The following NDUFA7 variants were observed in gnomAD, a reference collection of about 807,000 sequenced individuals.
The protein encoded by NDUFA7 is NADH dehydrogenase [ubiquinone] 1 alpha subcomplex subunit 7.
NDUFA7 carries 18 observed loss-of-function variants against 14.2 expected under a neutral mutation model. The ratio of observed to expected loss-of-function variants is 1.27; its 90% CI spans 0.88 to 1.88. The LOEUF is 1.88. Among genes scored for constraint, NDUFA7 ranks in the 40% most tolerant of loss-of-function variants. The pLI is 0.00. For synonymous variants in NDUFA7, 75 were observed against 62.1 expected (o/e 1.21, Z -0.98); for missense variants, 172 against 147.3 (o/e 1.17, Z -0.87).
chr19:8,309,517 C>T (rs547264630), downstream of NDUFA7, among the ~76,000 whole-genome samples: 3 of 152,182 alleles, frequency 2.0e-5, no homozygotes, highest in South Asian at 4.1e-4. Context: ...GTTCAGATGC[C>T]GTCAGCGGCA....
At chr19:8,313,648 T>G (rs190204747) in intron 3 of NDUFA7, among the ~76,000 whole-genome samples, 1 of 152,334 alleles carries the variant, frequency 6.6e-6, no homozygotes, top group Non-Finnish European at 1.5e-5. Flanking sequence ...TCAAGAAGGC[T>G]GAGGGACTGC....
At chr19:8,316,668 C>A in intron 2 of NDUFA7, 23 bp from the exon 3 acceptor site, 1 of 1,612,356 alleles carries the variant, frequency 6.2e-7, no homozygotes, top group Non-Finnish European at 8.5e-7. Context: ...AAGATGAGCA[C>A]TGAAGCAAAG....
At chr19:8,312,287 T>C (rs763821039) in intron 3 of NDUFA7, among the ~76,000 whole-genome samples, 1 of 152,020 alleles carries the variant, frequency 6.6e-6, no homozygotes, top group Non-Finnish European at 1.5e-5. Context: ...GGTGGGGTGA[T>C]GGAGGAGGCG....
At chr19:8,320,953 G>A (rs781394150) in intron 1 of NDUFA7, 47 bp from the exon 2 acceptor site, 3 of 1,601,828 alleles carry the variant, frequency 1.9e-6, no homozygotes, top group Non-Finnish European at 2.6e-6. Flanking sequence ...CACCCCAGGA[G>A]AGAGGAAAGG....
chr19:8,321,330 C>A lies in NDUFA7; in HGVS notation c.29G>T (p.Arg10Leu). MASATRLIQRLRNWASGHDL... is the reference protein window; with the variant it reads MASATRLIQLLRNWASGHDL... ...CACCCCGGACGCCCAGTTCCGCAGCCGCTGGATGAGACGGGTGGCGGACGC... is the reference window on the plus strand; with the variant it reads ...CACCCCGGACGCCCAGTTCCGCAGCAGCTGGATGAGACGGGTGGCGGACGC... Residue 10 changes from arginine to leucine, a missense_variant, in exon 1 of 4, where the codon CGG becomes CTG. Transcript: ENST00000301457. The A allele has an allele frequency of 6.3e-7, 1 of 1,580,494 alleles. No homozygotes were observed.
intron 2 of NDUFA7, chr19:8,319,530 A>G (rs1434716255): frequency 2.7e-5 from 4 of 148,582 alleles, no homozygotes; most frequent in Non-Finnish European, 5.9e-5. Flanking sequence ...ATTGCACTCC[A>G]GCCTGGGCAA....
At chr19:8,316,731 A>C in intron 2 of NDUFA7, 86 bp from the exon 3 acceptor site, 1 of 1,511,890 alleles carries the variant, frequency 6.6e-7, no homozygotes, top group Non-Finnish European at 9.1e-7. Context: ...CAGTCACAAA[A>C]TGTGGGATCT....
chr19:8,312,597 C>T (rs1970190914), intron 3 of NDUFA7, among the ~76,000 whole-genome samples: 1 of 152,174 alleles, frequency 6.6e-6, no homozygotes, highest in Non-Finnish European at 1.5e-5. Flanking sequence ...TCTCTTGCCT[C>T]AGCCTCCCAA....
chr19:8,320,807 G>A (rs1271812252), intron 2 of NDUFA7, 50 bp downstream of exon 2: 1 of 1,609,232 alleles, frequency 6.2e-7, no homozygotes, highest in African/African-American at 1.3e-5. Flanking sequence ...TTCGTTTTTG[G>A]TGGAGAAAGG....
chr19:8,314,683 G>A (rs74905935), intron 3 of NDUFA7, among the ~76,000 whole-genome samples: 7,558 of 152,290 alleles, frequency 0.05, 225 homozygotes, highest in East Asian at 0.088. Flanking sequence ...GGAGGCCAAC[G>A]CGGGCAGATC....
At chr19:8,316,754 T>G in intron 2 of NDUFA7, 109 bp from the exon 3 acceptor site, 1 of 1,363,066 alleles carries the variant, frequency 7.3e-7, no homozygotes, top group East Asian at 2.3e-5. Context: ...AGCCAGCCAC[T>G]GGGATAAGCC....
intron 3 of NDUFA7, 38 bp downstream of exon 3, chr19:8,316,458 G>C (rs1170211638): frequency 6.2e-7 from 1 of 1,608,536 alleles, no homozygotes; most frequent in Middle Eastern, 1.7e-4. Context: ...GCAGGAGGGG[G>C]CATGGGGGCT....
chr19:8,320,347 C>T (rs969609135), intron 2 of NDUFA7, among the ~76,000 whole-genome samples: 1 of 152,190 alleles, frequency 6.6e-6, no homozygotes, highest in Non-Finnish European at 1.5e-5. Flanking sequence ...CCCTACTATG[C>T]TTCTCCCTAG....
chr19:8,313,909 G>A (rs879609596), intron 3 of NDUFA7, among the ~76,000 whole-genome samples: 2 of 152,204 alleles, frequency 1.3e-5, no homozygotes, highest in African/African-American at 2.4e-5. Context: ...ACTAACCCTC[G>A]TAACAGCTTT....
chr19:8,308,625 A>G, downstream of NDUFA7: 6 of 349,706 alleles, frequency 1.7e-5, no homozygotes, highest in South Asian at 7.5e-5. Flanking sequence ...TTAATATGGC[A>G]GCCACGCCCC....
At chr19:8,321,179 T>TG in intron 1 of NDUFA7, 129 bp downstream of exon 1, 1 of 1,213,534 alleles carries the variant, frequency 8.2e-7, no homozygotes, top group Non-Finnish European at 1.1e-6. Context: ...GGTGACTAGC[T>TG]GGGGGTTCCC....
At chr19:8,316,756 G>A in intron 2 of NDUFA7, 111 bp from the exon 3 acceptor site, 1 of 1,348,150 alleles carries the variant, frequency 7.4e-7, no homozygotes, top group Non-Finnish European at 1.0e-6. Context: ...CCAGCCACTG[G>A]GATAAGCCAC....
intron 2 of NDUFA7, among the ~76,000 whole-genome samples, chr19:8,317,801 C>T (rs1970253164): frequency 6.6e-6 from 1 of 152,112 alleles, no homozygotes; most frequent in South Asian, 2.1e-4. Context: ...GTAGCTGGAA[C>T]TACAGGCGCA....
intron 2 of NDUFA7, among the ~76,000 whole-genome samples, chr19:8,318,896 G>A (rs1259164214): frequency 2.6e-5 from 4 of 151,258 alleles, no homozygotes; most frequent in Admixed American, 6.6e-5. Flanking sequence ...ACTTGAACCC[G>A]GGAGGCGGAG....
Sources: allele counts gnomAD v4.1 joint callset (sites outside exome capture counted in the v4.1 genomes callset), GRCh38; gene constraint gnomAD v4.1.1; transcripts MANE v1.5; gene names NCBI Gene and HGNC (gene_info 2026-07-23, HGNC 2026-07-21).